The following ADGRL3 variants were observed in gnomAD, a reference collection of about 807,000 sequenced individuals.
ADGRL3 encodes adhesion G protein-coupled receptor L3, also known as calcium-independent alpha-latrotoxin receptor 3.
In ADGRL3, 62 loss-of-function variants were observed where a neutral mutation model predicts 153.5. The observed-to-expected ratio is 0.40, with a 90% confidence interval of 0.33 to 0.50. The LOEUF is 0.50. Among genes scored for constraint, ADGRL3 ranks in the 20% least tolerant of loss-of-function variants. The pLI is 0.47. For missense variants in ADGRL3, 1,641 were observed against 1,859.4 expected, an observed-to-expected ratio of 0.88 and a Z score of 2.16; for synonymous variants, 710 against 672.5, an observed-to-expected ratio of 1.06 and a Z score of -0.86.
chr4:61,939,475 CTTTTTTTTTTTT>C (rs1359405913), intron 15 of ADGRL3, among the ~76,000 whole-genome samples: 2 of 136,130 alleles, frequency 1.5e-5, no homozygotes, highest in African/African-American at 5.5e-5. Flanking sequence ...TTTTTTTTTT[CTTTTTTTTTTTT>C]GAGACGGAGT....
At chr4:61,620,993 G>T (rs940853654) in intron 5 of ADGRL3, among the ~76,000 whole-genome samples, 2 of 151,814 alleles carry the variant, frequency 1.3e-5, no homozygotes, top group Non-Finnish European at 2.9e-5. Context: ...CAGATTTTAT[G>T]ATTATTATTT....
At chr4:61,720,152 C>T (rs2096212326) in intron 6 of ADGRL3, among the ~76,000 whole-genome samples, 1 of 148,260 alleles carries the variant, frequency 6.7e-6, no homozygotes, top group Non-Finnish European at 1.5e-5. Context: ...TGCAGTGGTT[C>T]AATCTCAGCT....
chr4:61,479,252 T>G (rs989070321), intron 2 of ADGRL3, among the ~76,000 whole-genome samples: 1 of 152,208 alleles, frequency 6.6e-6, no homozygotes, highest in Middle Eastern at 3.4e-3. Flanking sequence ...AATAAACTAC[T>G]TATGCTAGAA....
intron 11 of ADGRL3, among the ~76,000 whole-genome samples, chr4:61,908,851 G>A (rs1035446110): frequency 1.3e-5 from 2 of 151,568 alleles, no homozygotes; most frequent in South Asian, 2.1e-4. Flanking sequence ...TCCTAACTTC[G>A]AATTACCCAT....
intron 17 of ADGRL3, among the ~76,000 whole-genome samples, chr4:61,968,698 A>G (rs1402381992): frequency 1.3e-5 from 2 of 152,168 alleles, no homozygotes; most frequent in Non-Finnish European, 2.9e-5. Context: ...AAACCGCAAT[A>G]TCATAGCAAA....
chr4:61,672,175 T>A (rs1160517327), intron 5 of ADGRL3, among the ~76,000 whole-genome samples: 1 of 152,102 alleles, frequency 6.6e-6, no homozygotes, highest in African/African-American at 2.4e-5. Flanking sequence ...TCTAATAGTT[T>A]TATAGTTTTA....
chr4:61,311,281 C>G (rs1314669458), intron 1 of ADGRL3, among the ~76,000 whole-genome samples: 1 of 152,060 alleles, frequency 6.6e-6, no homozygotes, highest in Non-Finnish European at 1.5e-5. Flanking sequence ...AAGATTGTTT[C>G]CATTTTGTTG....
intron 9 of ADGRL3, among the ~76,000 whole-genome samples, chr4:61,862,583 G>A (rs988044241): frequency 6.6e-6 from 1 of 152,098 alleles, no homozygotes. Context: ...ACCAGCTTTG[G>A]GAATTAGGGC....
intron 1 of ADGRL3, among the ~76,000 whole-genome samples, chr4:61,262,549 G>A (rs1437111420): frequency 2.0e-5 from 3 of 151,980 alleles, no homozygotes; most frequent in South Asian, 2.1e-4. Context: ...TTACTCACCC[G>A]GGCTGCTTCT....
intron 2 of ADGRL3, among the ~76,000 whole-genome samples, chr4:61,458,998 T>G (rs1046967919): frequency 6.6e-6 from 1 of 151,480 alleles, no homozygotes; most frequent in Non-Finnish European, 1.5e-5. Flanking sequence ...TGGAGAGTAA[T>G]TATTTTCTGA....
chr4:61,682,562 A>T (rs978111125), intron 6 of ADGRL3, among the ~76,000 whole-genome samples: 43 of 80,746 alleles, frequency 5.3e-4, no homozygotes, highest in East Asian at 1.9e-3. Flanking sequence ...TCTTTAAAAA[A>T]ATTTTTTTTT....
At chr4:61,318,559 T>A (rs1161707175) in intron 1 of ADGRL3, among the ~76,000 whole-genome samples, 2 of 152,170 alleles carry the variant, frequency 1.3e-5, no homozygotes. Context: ...CACCCCTTTT[T>A]AGAAGAATTA....
chr4:61,702,905 A>G (rs747795546), intron 6 of ADGRL3, among the ~76,000 whole-genome samples: 1 of 152,170 alleles, frequency 6.6e-6, no homozygotes, highest in Non-Finnish European at 1.5e-5. Flanking sequence ...TATTCTAGTT[A>G]TATTCATTTG....
intron 2 of ADGRL3, among the ~76,000 whole-genome samples, chr4:61,449,692 C>A (rs958277498): frequency 4.6e-5 from 7 of 152,030 alleles, no homozygotes; most frequent in African/African-American, 1.7e-4. Flanking sequence ...TATTTCCACA[C>A]AGGAAGCTAT....
intron 1 of ADGRL3, among the ~76,000 whole-genome samples, chr4:61,361,576 G>A (rs1345736879): frequency 6.6e-6 from 1 of 152,178 alleles, no homozygotes; most frequent in East Asian, 1.9e-4. Flanking sequence ...AATCAGGGCA[G>A]TAATGATATC....
At chr4:61,971,372 T>C (rs1490924600) in intron 17 of ADGRL3, among the ~76,000 whole-genome samples, 1 of 152,126 alleles carries the variant, frequency 6.6e-6, no homozygotes, top group Non-Finnish European at 1.5e-5. Flanking sequence ...GTGTTCTCAT[T>C]GTTCAATTCC....
chr4:61,430,065 C>T (rs1164046673), intron 2 of ADGRL3, among the ~76,000 whole-genome samples: 1 of 152,120 alleles, frequency 6.6e-6, no homozygotes, highest in African/African-American at 2.4e-5. Context: ...AAAATCTGTA[C>T]TGCATTTCAA....
chr4:61,862,194 G>A (rs896216406), intron 9 of ADGRL3, among the ~76,000 whole-genome samples: 2 of 152,148 alleles, frequency 1.3e-5, no homozygotes, highest in Non-Finnish European at 2.9e-5. Flanking sequence ...CATGACATGG[G>A]TCTTTCCATT....
chr4:61,656,271 G>C (rs902254830), intron 5 of ADGRL3, among the ~76,000 whole-genome samples: 1 of 152,106 alleles, frequency 6.6e-6, no homozygotes, highest in African/African-American at 2.4e-5. Context: ...AACTTAGTAT[G>C]ACTCAGATTA....
Sources: gnomAD v4.1 joint callset for allele counts (sites outside exome capture counted in the v4.1 genomes callset) on GRCh38, gnomAD v4.1.1 for gene constraint, MANE v1.5 for transcripts, NCBI Gene and HGNC (gene_info 2026-07-23, HGNC 2026-07-21) for gene names.